SYT9: variants seen among roughly 807,000 people sequenced by gnomAD.
SYT9 encodes the protein synaptotagmin 9, also known as synaptotagmin-9.
SYT9 carries 22 observed loss-of-function variants against 48.4 expected under a neutral mutation model. That is an observed-to-expected ratio of 0.45 (90% CI 0.32 to 0.65). The LOEUF is 0.65. Among genes scored for constraint, SYT9 ranks in the 30% least tolerant of loss-of-function variants. SYT9 has a pLI of 0.03. For missense variants in SYT9, 577 were observed against 622.0 expected (o/e 0.93, Z 0.77); for synonymous variants, 265 against 245.0 (o/e 1.08, Z -0.76).
chr11:7,447,507 CACAA>C (rs1197281065), intron 6 of SYT9, among the ~76,000 whole-genome samples: 3 of 152,224 alleles, frequency 2.0e-5, no homozygotes, highest in African/African-American at 4.8e-5. Context: ...AAAGCTCCCT[CACAA>C]ACATTCACTT....
chr11:7,332,638 C>T (rs11041321), intron 3 of SYT9, among the ~76,000 whole-genome samples: 15,654 of 152,192 alleles, frequency 0.1, 960 homozygotes, highest in East Asian at 0.26. Flanking sequence ...GGCTTGCTGC[C>T]TTGGCGTTGT....
chr11:7,429,425 A>G (rs1029592452), intron 6 of SYT9, among the ~76,000 whole-genome samples: 7 of 152,162 alleles, frequency 4.6e-5, no homozygotes, highest in Non-Finnish European at 8.8e-5. Flanking sequence ...GTTTAGGGAG[A>G]AACCAAGCCC....
chr11:7,363,057 C>G, intron 3 of SYT9, among the ~76,000 whole-genome samples: 1 of 129,538 alleles, frequency 7.7e-6, no homozygotes, highest in South Asian at 2.7e-4. Flanking sequence ...TCTTCTCAAA[C>G]ATTCCATGAG....
intron 5 of SYT9, among the ~76,000 whole-genome samples, chr11:7,420,051 T>TA: frequency 6.6e-6 from 1 of 152,334 alleles, no homozygotes; most frequent in African/African-American, 2.4e-5. Flanking sequence ...GGAAGATCCA[T>TA]AAGCCTCCTT....
At chr11:7,272,329 C>T (rs905624640) in intron 1 of SYT9, among the ~76,000 whole-genome samples, 2 of 152,266 alleles carry the variant, frequency 1.3e-5, no homozygotes. Context: ...ACTTCTGTCC[C>T]ATTCTTTATT....
At chr11:7,272,744 T>C (rs1473627670) in intron 1 of SYT9, among the ~76,000 whole-genome samples, 1 of 152,166 alleles carries the variant, frequency 6.6e-6, no homozygotes, top group Non-Finnish European at 1.5e-5. Context: ...ATCCCAAACT[T>C]GGAGGAAGTG....
At chr11:7,380,692 T>A (rs1012638811) in intron 3 of SYT9, among the ~76,000 whole-genome samples, 2 of 152,230 alleles carry the variant, frequency 1.3e-5, no homozygotes, top group Non-Finnish European at 2.9e-5. Flanking sequence ...TCTAGTGGGT[T>A]ATGGCTGGTG....
intron 3 of SYT9, among the ~76,000 whole-genome samples, chr11:7,372,769 T>C (rs1242117965): frequency 6.6e-6 from 1 of 152,192 alleles, no homozygotes; most frequent in African/African-American, 2.4e-5. Context: ...ATATGCTCTT[T>C]GAAAAATTAT....
At chr11:7,314,225 C>T in intron 3 of SYT9, 1 of 542,120 alleles carries the variant, frequency 1.8e-6, no homozygotes, top group Middle Eastern at 2.8e-4. Flanking sequence ...TGTTATCTGT[C>T]CTCCGTACCA....
intron 6 of SYT9, chr11:7,438,138 G>A (rs1847749123): frequency 6.6e-6 from 1 of 151,956 alleles, no homozygotes; most frequent in Non-Finnish European, 1.5e-5. Context: ...TGTATAGATG[G>A]GAGAGTTGTC....
intron 1 of SYT9, among the ~76,000 whole-genome samples, chr11:7,270,695 G>A (rs1286105847): frequency 2.0e-5 from 3 of 152,198 alleles, no homozygotes; most frequent in African/African-American, 7.2e-5. Context: ...GCAAGTTGGA[G>A]CCAAGTGGCC....
At chr11:7,265,941 C>T (rs1848172938) in intron 1 of SYT9, among the ~76,000 whole-genome samples, 1 of 152,050 alleles carries the variant, frequency 6.6e-6, no homozygotes. Context: ...TGCTTGATTC[C>T]TGTAGGCTAT....
chr11:7,406,350 A>G (rs929949087), intron 3 of SYT9, among the ~76,000 whole-genome samples: 3 of 152,050 alleles, frequency 2.0e-5, no homozygotes, highest in African/African-American at 7.2e-5. Context: ...ACCCTCTGGT[A>G]TCTACTATTC....
chr11:7,316,127 A>G (rs911385702), intron 3 of SYT9, among the ~76,000 whole-genome samples: 5 of 150,678 alleles, frequency 3.3e-5, no homozygotes, highest in African/African-American at 7.3e-5. Context: ...TTCTCTTTTT[A>G]TAATATAGAA....
At chr11:7,394,281 G>A (rs1350523220) in intron 3 of SYT9, among the ~76,000 whole-genome samples, 1 of 152,104 alleles carries the variant, frequency 6.6e-6, no homozygotes, top group Non-Finnish European at 1.5e-5. Context: ...TCCCTACAAA[G>A]GACATGAACT....
chr11:7,303,320 G>A lies in SYT9; in HGVS notation c.427G>A (p.Gly143Arg), dbSNP rs750221195. 2.5e-6 allele frequency: 4 copies of A among 1,613,744 alleles called. No homozygotes were observed. The highest frequency in any genetic ancestry group is 1.7e-5 in the Admixed American group (1 of 59,992). Residue 143 changes from glycine (G) to arginine (R), a missense_variant, in exon 2 of 7, where the codon GGG (glycine) becomes AGG (arginine). By Grantham distance (125) the Gly-to-Arg change is moderately radical. Transcript: ENST00000318881. The stretch of plus-strand genomic sequence containing the variant: ...TGACATTCCCCTCTCCACCCAGACG[G>A]GGATCCAGGAGAACTGTGCCCATGG... ...SPDIPLSTQT[G>R]IQENCAHGVR...
intron 6 of SYT9, chr11:7,440,458 T>G (rs1847810083): frequency 6.6e-6 from 1 of 152,162 alleles, no homozygotes; most frequent in African/African-American, 2.4e-5. Flanking sequence ...GTATAAGAAG[T>G]TTCATGGAGA....
intron 3 of SYT9, among the ~76,000 whole-genome samples, chr11:7,340,473 T>C (rs1849693725): frequency 1.3e-5 from 2 of 152,192 alleles, no homozygotes; most frequent in South Asian, 4.1e-4. Flanking sequence ...GCTGGTTCTT[T>C]CTCATCTCTG....
intron 3 of SYT9, among the ~76,000 whole-genome samples, chr11:7,325,274 CT>C (rs1849411167): frequency 2.1e-5 from 3 of 141,586 alleles, no homozygotes; most frequent in African/African-American, 8.0e-5. Context: ...TGTTTGTATC[CT>C]CTTTTATTTC....
Sources: gnomAD v4.1 joint callset for allele counts (sites outside exome capture counted in the v4.1 genomes callset) on GRCh38, gnomAD v4.1.1 for gene constraint, MANE v1.5 for transcripts, NCBI Gene and HGNC (gene_info 2026-07-23, HGNC 2026-07-21) for gene names.